BCKDHB: variants seen among roughly 807,000 people sequenced by gnomAD.
BCKDHB encodes 2-oxoisovalerate dehydrogenase subunit beta, mitochondrial.
BCKDHB carries 41 observed loss-of-function variants against 48.5 expected under a neutral mutation model. That is an observed-to-expected ratio of 0.85 (90% confidence interval 0.66 to 1.10). The LOEUF is 1.10. Among genes scored for constraint, BCKDHB ranks in the 50% least tolerant of loss-of-function variants. BCKDHB has a pLI of 0.00. For missense variants in BCKDHB, 496 were observed against 494.2 expected (o/e 1.00, Z -0.03); for synonymous variants, 201 against 174.8 (o/e 1.15, Z -1.18).
chr6:80,251,074 A>G (rs1776818978), intron 8 of BCKDHB, among the ~76,000 whole-genome samples: 1 of 152,158 alleles, frequency 6.6e-6, no homozygotes, highest in African/African-American at 2.4e-5. Flanking sequence ...ATTAATAGTT[A>G]AGTCATTTAA....
At chr6:80,319,546 G>A (rs1190415254) in intron 9 of BCKDHB, among the ~76,000 whole-genome samples, 1 of 152,162 alleles carries the variant, frequency 6.6e-6, no homozygotes, top group Non-Finnish European at 1.5e-5. Flanking sequence ...TTACGGTTTA[G>A]GAGTTGCCTC....
chr6:80,374,020 C>G, the BCKDHB span: 1 of 637,966 alleles, frequency 1.6e-6, no homozygotes, highest in South Asian at 1.4e-5. Flanking sequence ...TGAATTTACT[C>G]CCATGCCATA....
At chr6:80,396,723 G>GT in the BCKDHB span, among the ~76,000 whole-genome samples, 2 of 152,184 alleles carry the variant, frequency 1.3e-5, no homozygotes, top group Non-Finnish European at 2.9e-5. Context: ...TTTATAAGGG[G>GT]TTTTTCCCTC....
the BCKDHB span, among the ~76,000 whole-genome samples, chr6:80,402,765 T>A: frequency 2.6e-5 from 4 of 151,924 alleles, no homozygotes; most frequent in African/African-American, 9.7e-5. Context: ...TAATCCATTT[T>A]GAGTTGACTT....
intron 3 of BCKDHB, among the ~76,000 whole-genome samples, chr6:80,134,707 T>A (rs1316879226): frequency 6.6e-6 from 1 of 152,060 alleles, no homozygotes; most frequent in Non-Finnish European, 1.5e-5. Context: ...AATTTAATTT[T>A]TTCTTAAGAT....
At chr6:80,313,672 G>A (rs10733162) in intron 9 of BCKDHB, among the ~76,000 whole-genome samples, 56,986 of 152,036 alleles carry the variant, frequency 0.37, 12,693 homozygotes, top group Admixed American at 0.56. Flanking sequence ...GAGCCACCGC[G>A]CCTGACCTAT....
the BCKDHB span, among the ~76,000 whole-genome samples, chr6:80,401,105 C>A: frequency 2.0e-5 from 3 of 146,864 alleles, no homozygotes; most frequent in Non-Finnish European, 4.4e-5. Context: ...AAAAAATAGT[C>A]AATGGATACT....
the BCKDHB span, among the ~76,000 whole-genome samples, chr6:80,436,146 TC>T: frequency 7.6e-6 from 1 of 131,946 alleles, no homozygotes; most frequent in Admixed American, 8.6e-5. Context: ...AAAATTCTTT[TC>T]TTTTTTTTTT....
At chr6:80,207,509 A>G (rs961139978) in intron 8 of BCKDHB, among the ~76,000 whole-genome samples, 1 of 151,868 alleles carries the variant, frequency 6.6e-6, no homozygotes, top group Non-Finnish European at 1.5e-5. Context: ...AGATGATAAG[A>G]TGATATAAAC....
intron 6 of BCKDHB, among the ~76,000 whole-genome samples, chr6:80,190,602 A>C (rs1393016149): frequency 6.6e-6 from 1 of 152,172 alleles, no homozygotes; most frequent in African/African-American, 2.4e-5. Context: ...AATATGTTGA[A>C]AGGGCTCACT....
At chr6:80,273,837 G>T (rs1219925055) in intron 9 of BCKDHB, among the ~76,000 whole-genome samples, 1 of 151,586 alleles carries the variant, frequency 6.6e-6, no homozygotes, top group Non-Finnish European at 1.5e-5. Flanking sequence ...CCTCTTTCTG[G>T]CAAGTTTTAC....
At chr6:80,418,832 T>A in the BCKDHB span, among the ~76,000 whole-genome samples, 3,800 of 152,204 alleles carry the variant, frequency 0.025, 152 homozygotes, top group African/African-American at 0.087. Flanking sequence ...GGTTCCTGCC[T>A]CTCTGTGGGT....
intron 8 of BCKDHB, among the ~76,000 whole-genome samples, chr6:80,251,379 C>G (rs1168515802): frequency 6.6e-6 from 1 of 152,148 alleles, no homozygotes; most frequent in Non-Finnish European, 1.5e-5. Context: ...GCATCCTGTT[C>G]AAGGTTGGAG....
chr6:80,271,695 T>G (rs1777750780), intron 8 of BCKDHB, among the ~76,000 whole-genome samples: 1 of 152,092 alleles, frequency 6.6e-6, no homozygotes. Flanking sequence ...CTTAGATACT[T>G]TTATGTTGGC....
At chr6:80,109,501 C>T (rs1165796977) in intron 1 of BCKDHB, among the ~76,000 whole-genome samples, 5 of 152,178 alleles carry the variant, frequency 3.3e-5, no homozygotes, top group Non-Finnish European at 5.9e-5. Context: ...AATTTATACC[C>T]ATTTATACCC....
chr6:80,292,259 C>T (rs1766959210), intron 9 of BCKDHB, among the ~76,000 whole-genome samples: 1 of 152,184 alleles, frequency 6.6e-6, no homozygotes, highest in Non-Finnish European at 1.5e-5. Flanking sequence ...AGTCTATTCT[C>T]ACACTGCTGA....
intron 8 of BCKDHB, among the ~76,000 whole-genome samples, chr6:80,267,920 C>CA (rs1382384500): frequency 6.6e-6 from 1 of 152,026 alleles, no homozygotes; most frequent in African/African-American, 2.4e-5. Flanking sequence ...AAAGCCCTGA[C>CA]AATTTAGTTT....
At position 80,343,844 on chromosome 6, in the gene BCKDHB, GC is replaced by G. The variant is rs1177944370; in HGVS notation, c.*44del. 1 of 1,608,356 alleles carries G rather than the reference GC, an allele frequency of 6.2e-7. No individual in the cohort carries two copies. Among genetic ancestry groups the G allele is most frequent in the East Asian group, 2.2e-5 (1 of 44,766 alleles). Reference sequence around the variant, plus strand: ...ATGCATCTTGAGAAAGCTACTATGTGCCCCTGACATTAACGTACTGTTAACC... The same window carrying G: ...ATGCATCTTGAGAAAGCTACTATGTGCCCTGACATTAACGTACTGTTAACC... On this transcript the variant is annotated 3_prime_UTR_variant, in exon 10 of 10. Coordinates refer to ENST00000320393, the MANE Select transcript of BCKDHB (RefSeq NM_183050.4).
chr6:80,195,267 A>C (rs1426808633), intron 6 of BCKDHB, among the ~76,000 whole-genome samples: 1 of 152,104 alleles, frequency 6.6e-6, no homozygotes, highest in Admixed American at 6.6e-5. Context: ...CGATAATTTA[A>C]GGTGAAGGGG....
Sources: gnomAD v4.1 joint callset for allele counts (sites outside exome capture counted in the v4.1 genomes callset) on GRCh38, gnomAD v4.1.1 for gene constraint, MANE v1.5 for transcripts, NCBI Gene and HGNC (gene_info 2026-07-23, HGNC 2026-07-21) for gene names.